The following ZFAT variants were observed in gnomAD, a reference collection of about 807,000 sequenced individuals.
ZFAT encodes zinc finger and AT-hook domain containing.
ZFAT carries 64 observed loss-of-function variants against 117.7 expected under a neutral mutation model. The ratio of observed to expected loss-of-function variants is 0.54; its 90% CI spans 0.44 to 0.67. ZFAT has a LOEUF of 0.67. Among genes scored for constraint, ZFAT ranks in the 30% least tolerant of loss-of-function variants. The probability of loss-of-function intolerance (pLI) is 0.00; values close to 1 mark genes in which losing one functional copy is unlikely to be tolerated. For missense variants in ZFAT, 1,433 were observed against 1,584.5 expected, an observed-to-expected ratio of 0.90 and a Z score of 1.62; for synonymous variants, 679 against 615.0, an observed-to-expected ratio of 1.10 and a Z score of -1.54.
the ZFAT span, among the ~76,000 whole-genome samples, chr8:134,817,828 A>C: frequency 6.6e-6 from 1 of 152,202 alleles, no homozygotes; most frequent in African/African-American, 2.4e-5. Flanking sequence ...CAAGATCAAC[A>C]AATACCTCAA....
chr8:134,483,869 C>A (rs1817484904), intron 15 of ZFAT, among the ~76,000 whole-genome samples: 1 of 152,198 alleles, frequency 6.6e-6, no homozygotes, highest in African/African-American at 2.4e-5. Context: ...TGGCTTTAAC[C>A]CATCGTCATC....
At chr8:134,818,625 C>T in the ZFAT span, among the ~76,000 whole-genome samples, 1 of 152,130 alleles carries the variant, frequency 6.6e-6, no homozygotes, top group Admixed American at 6.5e-5. Context: ...AAGTTTATGT[C>T]CATACAAAGA....
chr8:134,578,752 G>A (rs144262330), intron 10 of ZFAT, among the ~76,000 whole-genome samples: 2 of 152,256 alleles, frequency 1.3e-5, no homozygotes, highest in East Asian at 1.9e-4. Flanking sequence ...GTTGAGAAGC[G>A]GGAGAACTCC....
intron 3 of ZFAT, among the ~76,000 whole-genome samples, chr8:134,619,015 G>C (rs552303705): frequency 1.2e-4 from 18 of 152,168 alleles, no homozygotes; most frequent in Non-Finnish European, 1.0e-4. Flanking sequence ...TAGAGTGCAG[G>C]CCTTTGGGAA....
chr8:134,788,055 C>T, the ZFAT span, among the ~76,000 whole-genome samples: 7 of 152,108 alleles, frequency 4.6e-5, no homozygotes, highest in African/African-American at 1.2e-4. Flanking sequence ...TCAGGCCTTA[C>T]GTTATTGGCT....
the ZFAT span, among the ~76,000 whole-genome samples, chr8:134,753,428 A>T: frequency 3.3e-5 from 5 of 152,234 alleles, no homozygotes; most frequent in Non-Finnish European, 5.9e-5. Flanking sequence ...AAACAGGTTC[A>T]CTGACACACT....
At chr8:134,821,911 A>T in the ZFAT span, among the ~76,000 whole-genome samples, 1 of 152,160 alleles carries the variant, frequency 6.6e-6, no homozygotes, top group Non-Finnish European at 1.5e-5. Context: ...CAACAAGGAA[A>T]AACAAAGGTA....
chr8:134,719,280 G>A, the ZFAT span, among the ~76,000 whole-genome samples: 1 of 152,188 alleles, frequency 6.6e-6, no homozygotes, highest in Non-Finnish European at 1.5e-5. Flanking sequence ...CTTTGACTTT[G>A]GACAACTTAC....
At position 134,602,378 on chromosome 8, in the gene ZFAT, C is replaced by T; in HGVS notation, c.1341G>A (p.Leu447=). The change falls in exon 6 of 16, where the codon CTG becomes CTA. Residue 447 remains leucine, a synonymous_variant. Coordinates refer to ENST00000377838, the MANE Select transcript of ZFAT (RefSeq NM_020863.4). Reference sequence around the variant, plus strand: ...AGGGGTGCTTCCTGACATGCAGTTCCAGCGCCTGGTACTTGGTGGCCCCAT... The same window carrying T: ...AGGGGTGCTTCCTGACATGCAGTTCTAGCGCCTGGTACTTGGTGGCCCCAT... ...CGHGATKYQA[L]ELHVRKHPFV... 6.2e-7 allele frequency: 1 copy of T among 1,613,888 alleles called. No individual in the cohort carries two copies. Among genetic ancestry groups the T allele is most frequent in the Non-Finnish European group, 8.5e-7 (1 of 1,180,060 alleles).
intron 5 of ZFAT, among the ~76,000 whole-genome samples, chr8:134,604,654 C>CT (rs1172804489): frequency 6.6e-6 from 1 of 152,258 alleles, no homozygotes; most frequent in Non-Finnish European, 1.5e-5. Flanking sequence ...ACTGTACCCA[C>CT]TCTCACTGTA....
chr8:134,601,393 C>T lies in ZFAT; in HGVS notation c.2242+84G>A, dbSNP rs1827444563. 15 of 1,510,576 alleles carry T rather than the reference C, an allele frequency of 9.9e-6. No individual in the cohort carries two copies. In the South Asian group the frequency reaches 2.0e-4, roughly 20 times the overall value. 93.6% of individuals were successfully genotyped at this position (1,510,576 alleles called of 1,614,324 possible). The stretch of plus-strand genomic sequence containing the variant: ...TCACTTAGAAGGTATTCTTTGCAAA[C>T]AGACATGAGCTCAAATCAAATGCGA... On this transcript the variant is annotated intron_variant, in intron 6 of 15. Coordinates refer to ENST00000377838, the MANE Select transcript of ZFAT (RefSeq NM_020863.4).
chr8:134,828,062 T>C, the ZFAT span, among the ~76,000 whole-genome samples: 98 of 152,332 alleles, frequency 6.4e-4, no homozygotes, highest in African/African-American at 2.3e-3. Context: ...TGTAATTGTG[T>C]CCTCATTAAT....
At chr8:134,819,499 C>CA in the ZFAT span, among the ~76,000 whole-genome samples, 1 of 67,406 alleles carries the variant, frequency 1.5e-5, no homozygotes, top group Non-Finnish European at 2.9e-5. Context: ...ATTTACCACC[C>CA]CCCCCCCCCG....
At chr8:134,503,529 C>T (rs763674830) in intron 15 of ZFAT, among the ~76,000 whole-genome samples, 6 of 152,142 alleles carry the variant, frequency 3.9e-5, no homozygotes, top group Non-Finnish European at 8.8e-5. Context: ...CCCAGATATT[C>T]GGTCATACAT....
rs552081924 is a variant in ZFAT at position 134,648,334 on chromosome 8, A to G, written c.196+9227T>C. ...ATAATAATGCCTAGAATGGAAAGAGATTATATAAAATATAGAAAAAGAAAA... is the reference window on the plus strand; with the variant it reads ...ATAATAATGCCTAGAATGGAAAGAGGTTATATAAAATATAGAAAAAGAAAA... On this transcript the variant is annotated intron_variant, in intron 2 of 15. Transcript: ENST00000377838. Among the ~76,000 whole-genome samples the G allele has an allele frequency of 1.7e-4, 26 of 152,038 alleles. No individual in the cohort carries two copies. In the South Asian group the frequency reaches 5.4e-3, roughly 32 times the overall value.
At chr8:134,772,562 G>C in the ZFAT span, among the ~76,000 whole-genome samples, 1 of 152,118 alleles carries the variant, frequency 6.6e-6, no homozygotes, top group Non-Finnish European at 1.5e-5. Context: ...GTTAATGAGG[G>C]CTTAAAAAAA....
intron 1 of ZFAT, among the ~76,000 whole-genome samples, chr8:134,694,356 G>A (rs1376865082): frequency 9.2e-5 from 14 of 152,184 alleles, no homozygotes; most frequent in Non-Finnish European, 1.6e-4. Context: ...AAGATACTTA[G>A]GAATAGGCAA....
intron 5 of ZFAT, among the ~76,000 whole-genome samples, chr8:134,608,353 G>A (rs1828047080): frequency 6.6e-6 from 1 of 152,158 alleles, no homozygotes; most frequent in African/African-American, 2.4e-5. Context: ...TTTTGAAAGT[G>A]GGAAGGAAAT....
chr8:134,653,311 C>CT (rs1194992634), intron 2 of ZFAT, among the ~76,000 whole-genome samples: 4 of 140,932 alleles, frequency 2.8e-5, no homozygotes, highest in African/African-American at 1.0e-4. Context: ...GGGTCTCACT[C>CT]TATCACCCAG....
Sources: allele counts gnomAD v4.1 joint callset (sites outside exome capture counted in the v4.1 genomes callset), GRCh38; gene constraint gnomAD v4.1.1; transcripts MANE v1.5; gene names NCBI Gene and HGNC (gene_info 2026-07-23, HGNC 2026-07-21).